The following ATP8B4 variants were observed in gnomAD, a reference collection of about 807,000 sequenced individuals.
ATP8B4 encodes the protein probable phospholipid-transporting ATPase IM.
A neutral mutation model predicts 145.6 loss-of-function variants in ATP8B4; 133 were observed. The ratio of observed to expected loss-of-function variants is 0.91; its 90% CI spans 0.79 to 1.05. The LOEUF is 1.05. ATP8B4 is among the 50% of genes least tolerant of loss of function. The pLI, the probability that ATP8B4 is intolerant of heterozygous loss-of-function variation, is 0.00. For missense variants in ATP8B4, 1,458 were observed against 1,425.2 expected (o/e 1.02, Z -0.37); for synonymous variants, 507 against 492.9 (o/e 1.03, Z -0.38).
intron 12 of ATP8B4, among the ~76,000 whole-genome samples, chr15:49,974,741 T>C (rs1168462638): frequency 6.6e-6 from 1 of 152,204 alleles, no homozygotes; most frequent in African/African-American, 2.4e-5. Context: ...TTGATTGAAA[T>C]TGAAAGTTTG....
chr15:50,140,704 A>G (rs2044194822), intron 1 of ATP8B4, among the ~76,000 whole-genome samples: 1 of 152,218 alleles, frequency 6.6e-6, no homozygotes, highest in Non-Finnish European at 1.5e-5. Flanking sequence ...AACTACTGAC[A>G]TATGATTTTT....
At chr15:50,166,520 C>T (rs1430008750) in intron 1 of ATP8B4, among the ~76,000 whole-genome samples, 4 of 152,090 alleles carry the variant, frequency 2.6e-5, no homozygotes, top group South Asian at 4.1e-4. Context: ...TTTATAGTGA[C>T]GATGTTTTGA....
At chr15:50,150,363 G>A (rs960285783) in intron 1 of ATP8B4, among the ~76,000 whole-genome samples, 1 of 152,190 alleles carries the variant, frequency 6.6e-6, no homozygotes, top group Non-Finnish European at 1.5e-5. Flanking sequence ...ATTTCTCAGG[G>A]AGGATTTTAA....
chr15:49,891,919 T>A (rs2036855186), intron 23 of ATP8B4, among the ~76,000 whole-genome samples: 1 of 151,866 alleles, frequency 6.6e-6, no homozygotes, highest in Non-Finnish European at 1.5e-5. Context: ...ATTGAGACCA[T>A]CCTGGCTAAC....
intron 20 of ATP8B4, among the ~76,000 whole-genome samples, chr15:49,904,792 T>C (rs1281372309): frequency 1.3e-5 from 2 of 152,208 alleles, no homozygotes; most frequent in African/African-American, 4.8e-5. Flanking sequence ...GTTCAAAAAA[T>C]ACTGATGCAT....
At chr15:50,099,176 C>G (rs974641336) in intron 2 of ATP8B4, among the ~76,000 whole-genome samples, 3 of 152,184 alleles carry the variant, frequency 2.0e-5, no homozygotes, top group African/African-American at 7.2e-5. Flanking sequence ...TTATGTACTT[C>G]TTTTGCTTCC....
intron 16 of ATP8B4, among the ~76,000 whole-genome samples, chr15:49,925,635 A>G (rs976848672): frequency 1.3e-5 from 2 of 152,162 alleles, no homozygotes; most frequent in African/African-American, 4.8e-5. Flanking sequence ...TGTTTAAACA[A>G]TCTAACTTCA....
intron 6 of ATP8B4, among the ~76,000 whole-genome samples, chr15:50,033,209 G>A (rs2050582865): frequency 6.6e-6 from 1 of 152,196 alleles, no homozygotes; most frequent in East Asian, 1.9e-4. Flanking sequence ...AGGCCTATGA[G>A]AGCTTCAGAG....
At position 49,901,107 on chromosome 15, in the gene ATP8B4, T is replaced by A; in HGVS notation, c.2274A>T (p.Ile758=). 3 of 1,612,826 alleles carry A rather than the reference T, an allele frequency of 1.9e-6. No homozygotes were observed. The highest frequency in any genetic ancestry group is 2.5e-6 in the Non-Finnish European group (3 of 1,179,408). Residue 758 remains isoleucine (I), a synonymous_variant, in exon 21 of 28, where the codon ATA becomes ATT. Coordinates refer to ENST00000284509, the MANE Select transcript of ATP8B4 (RefSeq NM_024837.4). ...GCAAACTCACCAAACTGTGGCCATT[T>A]ATGATTAAGGCATAATCTCCTGTTA... ...ETITGDYALI[I]NGHSLAHALE...
intron 23 of ATP8B4, among the ~76,000 whole-genome samples, chr15:49,892,903 C>T (rs1380484568): frequency 6.6e-6 from 1 of 152,162 alleles, no homozygotes; most frequent in Non-Finnish European, 1.5e-5. Context: ...TAGCCTACGT[C>T]AACTTTGCAC....
At chr15:50,013,962 C>T (rs1233533056) in intron 6 of ATP8B4, among the ~76,000 whole-genome samples, 7 of 152,166 alleles carry the variant, frequency 4.6e-5, no homozygotes, top group Non-Finnish European at 4.4e-5. Flanking sequence ...CGTCACTAGA[C>T]TATTGCTTTC....
At chr15:49,999,075 A>G (rs1419331683) in intron 8 of ATP8B4, among the ~76,000 whole-genome samples, 1 of 152,148 alleles carries the variant, frequency 6.6e-6, no homozygotes, top group East Asian at 1.9e-4. Flanking sequence ...CTATAAAGAC[A>G]CATGCACACA....
intron 14 of ATP8B4, among the ~76,000 whole-genome samples, chr15:49,935,046 C>CT (rs996598774): frequency 2.6e-5 from 4 of 152,040 alleles, no homozygotes; most frequent in Non-Finnish European, 5.9e-5. Context: ...ATTATAACTA[C>CT]TTTTTTAAAG....
chr15:50,134,140 G>A (rs1334283085), intron 1 of ATP8B4, among the ~76,000 whole-genome samples: 1 of 145,854 alleles, frequency 6.9e-6, no homozygotes, highest in Non-Finnish European at 1.5e-5. Flanking sequence ...GTAAAACTAA[G>A]GAAAAATAAA....
chr15:49,862,409 T>A, intron 26 of ATP8B4, 34 bp from the exon 27 acceptor site: 2 of 1,604,788 alleles, frequency 1.2e-6, no homozygotes, highest in Non-Finnish European at 1.7e-6. Flanking sequence ...ACACTGTGGT[T>A]ACAAGTAGGA....
intron 20 of ATP8B4, among the ~76,000 whole-genome samples, chr15:49,903,116 G>A (rs2038223782): frequency 6.6e-6 from 1 of 152,126 alleles, no homozygotes; most frequent in South Asian, 2.1e-4. Context: ...TCTCTGTACA[G>A]GCCAACGTCT....
At chr15:50,117,790 A>G (rs1432284355) in intron 1 of ATP8B4, among the ~76,000 whole-genome samples, 1 of 152,214 alleles carries the variant, frequency 6.6e-6, no homozygotes, top group Non-Finnish European at 1.5e-5. Context: ...TAAATGTGGT[A>G]TTTATATACA....
intron 14 of ATP8B4, among the ~76,000 whole-genome samples, chr15:49,938,307 G>C (rs2041895321): frequency 6.6e-6 from 1 of 152,024 alleles, no homozygotes; most frequent in Admixed American, 6.6e-5. Flanking sequence ...GAATGCAAAT[G>C]GTCTACATGC....
chr15:50,179,805 C>T (rs1026663674), intron 1 of ATP8B4, among the ~76,000 whole-genome samples: 1 of 152,230 alleles, frequency 6.6e-6, no homozygotes, highest in Non-Finnish European at 1.5e-5. Flanking sequence ...TGATCTTAGA[C>T]TTGCCTCCAG....
Sources: gnomAD v4.1 joint callset for allele counts (sites outside exome capture counted in the v4.1 genomes callset) on GRCh38, gnomAD v4.1.1 for gene constraint, MANE v1.5 for transcripts, NCBI Gene and HGNC (gene_info 2026-07-23, HGNC 2026-07-21) for gene names.